Variants in NEDD4L observed in about 807,000 individuals in gnomAD.
NEDD4L encodes NEDD4 like E3 ubiquitin protein ligase.
A neutral mutation model predicts 148.9 loss-of-function variants in NEDD4L; 54 were observed. The observed-to-expected ratio is 0.36, with a 90% confidence interval of 0.29 to 0.45. NEDD4L has a LOEUF of 0.45. Among genes scored for constraint, NEDD4L ranks in the 20% least tolerant of loss-of-function variants. The probability of loss-of-function intolerance (pLI) is 1.00; values close to 1 mark genes in which losing one functional copy is unlikely to be tolerated. For synonymous variants in NEDD4L, 433 were observed against 440.7 expected (o/e 0.98, Z 0.22); for missense variants, 856 against 1,233.8 (o/e 0.69, Z 4.59).
intron 30 of NEDD4L, among the ~76,000 whole-genome samples, chr18:58,394,629 T>C (rs984156041): frequency 3.9e-5 from 6 of 152,250 alleles, no homozygotes; most frequent in African/African-American, 1.4e-4. Context: ...GATTCCTGGG[T>C]TCCTGAGAAC....
At chr18:58,377,227 C>T (rs917681159) in intron 24 of NEDD4L, among the ~76,000 whole-genome samples, 1 of 152,168 alleles carries the variant, frequency 6.6e-6, no homozygotes, top group Non-Finnish European at 1.5e-5. Context: ...CCCGGACAAG[C>T]CTCTCACCTC....
At chr18:58,223,459 C>T (rs74487705) in intron 2 of NEDD4L, among the ~76,000 whole-genome samples, 4,517 of 152,172 alleles carry the variant, frequency 0.03, 174 homozygotes, top group African/African-American at 0.093. Context: ...GCTCTATGTA[C>T]TTATTAAGGC....
At chr18:58,221,672 G>C (rs577746804) in intron 2 of NEDD4L, 65 of 985,484 alleles carry the variant, frequency 6.6e-5, no homozygotes, top group Non-Finnish European at 7.7e-5. Flanking sequence ...GGGAGCCGGA[G>C]GGTCACCAAG....
At chr18:58,190,650 G>A (rs1334384766) in intron 2 of NEDD4L, among the ~76,000 whole-genome samples, 1 of 152,140 alleles carries the variant, frequency 6.6e-6, no homozygotes, top group East Asian at 1.9e-4. Context: ...CTGTATACAG[G>A]AGATGTACAT....
chr18:58,115,218 A>G (rs1419478058), intron 1 of NEDD4L, among the ~76,000 whole-genome samples: 1 of 124,372 alleles, frequency 8.0e-6, no homozygotes, highest in Admixed American at 7.7e-5. Flanking sequence ...TTTCTTTTTC[A>G]TTCTTTTTTC....
chr18:58,265,789 C>T (rs2050133692), intron 5 of NEDD4L, among the ~76,000 whole-genome samples: 1 of 152,032 alleles, frequency 6.6e-6, no homozygotes, highest in African/African-American at 2.4e-5. Flanking sequence ...GTCTCAAACC[C>T]CTGGCCTCAA....
intron 1 of NEDD4L, among the ~76,000 whole-genome samples, chr18:58,128,061 G>GT (rs2031452982): frequency 6.6e-6 from 1 of 151,102 alleles, no homozygotes; most frequent in African/African-American, 2.4e-5. Flanking sequence ...GTTTTGTTTT[G>GT]TTTGAGACAG....
intron 1 of NEDD4L, among the ~76,000 whole-genome samples, chr18:58,053,739 C>T (rs2081980496): frequency 6.6e-6 from 1 of 152,190 alleles, no homozygotes; most frequent in African/African-American, 2.4e-5. Context: ...GCTGGAATTC[C>T]CATTGTGGGT....
intron 2 of NEDD4L, among the ~76,000 whole-genome samples, chr18:58,178,555 G>A (rs140436267): frequency 5.5e-4 from 83 of 152,220 alleles, no homozygotes; most frequent in South Asian, 4.1e-3. Flanking sequence ...CTTTCGCTAC[G>A]GAATATTCGT....
intron 2 of NEDD4L, among the ~76,000 whole-genome samples, chr18:58,244,966 G>T (rs2047083512): frequency 6.6e-6 from 1 of 152,162 alleles, no homozygotes; most frequent in Non-Finnish European, 1.5e-5. Flanking sequence ...AAAGTGCTGG[G>T]ATTACAGGTG....
intron 1 of NEDD4L, among the ~76,000 whole-genome samples, chr18:58,107,012 G>T (rs373604445): frequency 6.6e-6 from 1 of 152,152 alleles, no homozygotes; most frequent in South Asian, 2.1e-4. Flanking sequence ...GTTGGAAGTC[G>T]AAGATCAAAG....
chr18:58,253,781 G>A (rs537977511), intron 5 of NEDD4L, among the ~76,000 whole-genome samples: 1 of 152,202 alleles, frequency 6.6e-6, no homozygotes, highest in African/African-American at 2.4e-5. Context: ...TCCCATTTCC[G>A]TATCTGAAAT....
chr18:58,167,633 C>A (rs939293547), intron 2 of NEDD4L, among the ~76,000 whole-genome samples: 1 of 151,990 alleles, frequency 6.6e-6, no homozygotes, highest in East Asian at 1.9e-4. Flanking sequence ...TCACTTGCCT[C>A]GATTGCTAGA....
At chr18:58,170,303 C>T (rs1383879996) in intron 2 of NEDD4L, among the ~76,000 whole-genome samples, 1 of 152,000 alleles carries the variant, frequency 6.6e-6, no homozygotes, top group Non-Finnish European at 1.5e-5. Flanking sequence ...CGCCTCATCA[C>T]CCCAGCCCAA....
chr18:58,390,614 G>C lies in NEDD4L; in HGVS notation c.2656-32G>C, dbSNP rs111520412. 45 of 1,403,136 alleles carry C rather than the reference G, an allele frequency of 3.2e-5. No individual in the cohort carries two copies. In the Middle Eastern group the frequency reaches 8.8e-4, roughly 27 times the overall value. The allele number at this position is 1,403,136 out of a possible 1,614,324, so 86.9% of individuals were successfully genotyped here. ...GCAGCATGTGCCATGGGTCACGTGG[G>C]GGGTATAATGACCTTCTGCCTCTGT... On this transcript the variant is annotated intron_variant, in intron 28 of 30. Transcript: ENST00000400345.
At chr18:58,372,272 C>G (rs936162182) in intron 23 of NEDD4L, 3 of 143,490 alleles carry the variant, frequency 2.1e-5, no homozygotes, top group Admixed American at 7.0e-5. Context: ...ACCACCATGC[C>G]TAGCTAATTT....
chr18:58,177,086 C>T (rs1474496753), intron 2 of NEDD4L, among the ~76,000 whole-genome samples: 1 of 149,892 alleles, frequency 6.7e-6, no homozygotes, highest in Admixed American at 6.6e-5. Flanking sequence ...GACATTGTGT[C>T]CTGAGCCCCT....
intron 11 of NEDD4L, 67 bp downstream of exon 11, chr18:58,330,981 A>G (rs1033394675): frequency 6.6e-7 from 1 of 1,508,450 alleles, no homozygotes; most frequent in Non-Finnish European, 9.1e-7. Flanking sequence ...GCTTAAGGAG[A>G]ATCTCTTACG....
intron 5 of NEDD4L, among the ~76,000 whole-genome samples, chr18:58,302,717 T>C (rs1424817448): frequency 6.6e-6 from 1 of 152,226 alleles, no homozygotes; most frequent in Non-Finnish European, 1.5e-5. Flanking sequence ...AACACGCAGA[T>C]GGTCTTAGCC....
Sources: allele counts gnomAD v4.1 joint callset (sites outside exome capture counted in the v4.1 genomes callset), GRCh38; gene constraint gnomAD v4.1.1; transcripts MANE v1.5; gene names NCBI Gene and HGNC (gene_info 2026-07-23, HGNC 2026-07-21).